The following AFMID variants were observed in gnomAD, a reference collection of about 807,000 sequenced individuals.
AFMID encodes arylformamidase.
A neutral mutation model predicts 47.5 loss-of-function variants in AFMID; 39 were observed. That is an observed-to-expected ratio of 0.82 (90% CI 0.64 to 1.07). The LOEUF (loss-of-function observed/expected upper bound fraction) is 1.07. Among genes scored for constraint, AFMID ranks in the 50% least tolerant of loss-of-function variants. The pLI, the probability that AFMID is intolerant of heterozygous loss-of-function variation, is 0.00. For synonymous variants in AFMID, 130 were observed against 153.2 expected (o/e 0.85, Z 1.12); for missense variants, 375 against 387.5 (o/e 0.97, Z 0.27).
At chr17:78,193,761 A>G (rs2076037295) in intron 2 of AFMID, among the ~76,000 whole-genome samples, 1 of 151,980 alleles carries the variant, frequency 6.6e-6, no homozygotes, top group South Asian at 2.1e-4. Context: ...GCAGATCACA[A>G]GGTCAGGAGA....
chr17:78,198,065 C>CA (rs1307996056), intron 2 of AFMID, among the ~76,000 whole-genome samples: 1 of 152,022 alleles, frequency 6.6e-6, no homozygotes, highest in Non-Finnish European at 1.5e-5. Context: ...CCTGTCCCTA[C>CA]AAAAAATACA....
chr17:78,202,778 C>T (rs1031416075), intron 4 of AFMID, 27 bp downstream of exon 4: 5 of 1,551,946 alleles, frequency 3.2e-6, no homozygotes, highest in Middle Eastern at 1.9e-4. Flanking sequence ...GGATGGTGGA[C>T]TGCAAGAGAG....
intron 2 of AFMID, chr17:78,197,017 T>C (rs775719566): frequency 1.0e-4 from 80 of 790,006 alleles, no homozygotes; most frequent in Non-Finnish European, 1.4e-4. Context: ...TTTTTTAATA[T>C]CTGAGAGAGG....
Position 78,191,051 on chromosome 17 carries a change from G to A in AFMID, c.145G>A (p.Gly49Arg). 1 of 1,614,004 alleles carries A rather than the reference G, an allele frequency of 6.2e-7. No individual in the cohort carries two copies. Among genetic ancestry groups the A allele is most frequent in the Non-Finnish European group, 8.5e-7 (1 of 1,179,946 alleles). The change falls in exon 2 of 11, where the codon GGA becomes AGA. Residue 49 changes from glycine (G) to arginine (R), a missense_variant. By Grantham distance (125) the Gly-to-Arg change is moderately radical. Coordinates refer to ENST00000409257, the MANE Select transcript of AFMID (RefSeq NM_001010982.5). Reference protein sequence around the residue: ...EEALRTYSQIGIEATTRARAT... With the variant: ...EEALRTYSQIRIEATTRARAT... ...AGCCTTGAGGACCTACTCACAGATA[G>A]GAATTGAAGGTACTAGTGTGACCTC...
intron 2 of AFMID, among the ~76,000 whole-genome samples, chr17:78,193,928 A>T (rs1384679888): frequency 1.3e-5 from 2 of 149,898 alleles, no homozygotes; most frequent in African/African-American, 4.9e-5. Context: ...GTGAGCTGAG[A>T]TCATGCCACT....
intron 3 of AFMID, 25 bp downstream of exon 3, chr17:78,202,628 C>T (rs2076275163): frequency 6.2e-7 from 1 of 1,600,392 alleles, no homozygotes; most frequent in Non-Finnish European, 8.5e-7. Context: ...GGCTGGGGGT[C>T]CCGGGGCTTG....
intron 4 of AFMID, 92 bp downstream of exon 4, chr17:78,202,843 C>A: frequency 1.4e-6 from 2 of 1,433,276 alleles, no homozygotes; most frequent in South Asian, 1.2e-5. Context: ...CAAACTGCCA[C>A]AAGCTGGGCA....
At chr17:78,201,026 T>C (rs1410071324) in intron 2 of AFMID, among the ~76,000 whole-genome samples, 1 of 151,832 alleles carries the variant, frequency 6.6e-6, no homozygotes, top group African/African-American at 2.4e-5. Flanking sequence ...AGACAGAATC[T>C]CGCTCTGTCA....
chr17:78,199,321 C>G (rs1238269541), intron 2 of AFMID, among the ~76,000 whole-genome samples: 1 of 152,174 alleles, frequency 6.6e-6, no homozygotes, highest in East Asian at 1.9e-4. Flanking sequence ...GCCGTGTTTA[C>G]CCTTCTGGAG....
At chr17:78,192,332 G>A (rs1337581557) in intron 2 of AFMID, among the ~76,000 whole-genome samples, 6 of 21,778 alleles carry the variant, frequency 2.8e-4, no homozygotes, top group Admixed American at 5.1e-4. Context: ...TTTTTTTTTT[G>A]AGACGGAGTT....
chr17:78,205,502 G>T lies in AFMID; in HGVS notation c.628G>T (p.Ala210Ser). Residue 210 changes from alanine (A) to serine (S), a missense_variant, in exon 8 of 11, where the codon GCT becomes TCT. By Grantham distance (99) the Ala-to-Ser change is moderately conservative. Transcript: ENST00000409257. ...EPIVYTSQNV[A>S]LQLTLEDAQR... ...CATCGTGTATACTTCACAGAACGTT[G>T]CTCTCCAGCTGACCCTGTGAGTTAC... 2 of 1,614,142 alleles carry T rather than the reference G, an allele frequency of 1.2e-6. No homozygotes were observed. The highest frequency in any genetic ancestry group is 2.2e-5 in the East Asian group (1 of 44,878).
intron 1 of AFMID, among the ~76,000 whole-genome samples, chr17:78,188,813 G>C (rs4789549): frequency 0.16 from 24,757 of 152,052 alleles, 2,778 homozygotes; most frequent in African/African-American, 0.29. Context: ...TAGCCAGGAT[G>C]GTCTCCAACT....
chr17:78,197,563 C>CA (rs2076144590), intron 2 of AFMID: 1 of 214,750 alleles, frequency 4.7e-6, no homozygotes, highest in African/African-American at 2.3e-5. Flanking sequence ...TAAGTTTCCC[C>CA]AGTCTGGTAT....
intron 1 of AFMID, among the ~76,000 whole-genome samples, chr17:78,189,372 G>A (rs1407378796): frequency 1.3e-5 from 2 of 150,294 alleles, no homozygotes; most frequent in South Asian, 2.1e-4. Context: ...ACGGGCGCCC[G>A]CCACCATGCC....
At chr17:78,197,080 C>T in intron 2 of AFMID, 2 of 1,411,326 alleles carry the variant, frequency 1.4e-6, no homozygotes, top group Non-Finnish European at 9.8e-7. Flanking sequence ...GGCCATTCCA[C>T]TTAGAACATA....
At chr17:78,193,246 C>T (rs1401735472) in intron 2 of AFMID, among the ~76,000 whole-genome samples, 1 of 151,842 alleles carries the variant, frequency 6.6e-6, no homozygotes, top group Non-Finnish European at 1.5e-5. Context: ...TGGCGGGCGC[C>T]TCTAGTCCCA....
intron 2 of AFMID, among the ~76,000 whole-genome samples, chr17:78,196,200 A>C (rs993688905): frequency 2.0e-4 from 31 of 152,010 alleles, no homozygotes; most frequent in African/African-American, 7.2e-4. Context: ...CCCCATCTCT[A>C]CTAAAAACAC....
intron 4 of AFMID, 59 bp downstream of exon 4, chr17:78,202,810 T>G: frequency 6.5e-7 from 1 of 1,535,608 alleles, no homozygotes; most frequent in Non-Finnish European, 8.8e-7. Context: ...CCTGGGGGAC[T>G]CCTCCTCCAG....
rs2076131939 is a variant in AFMID at position 78,197,006 on chromosome 17, GT to G, written c.155-5487del. ...ATTTCTCTTTCCCGAGGTTAGTAGA[GT>G]TTTTTAATATCTGAGAGAGGCTTAT... On this transcript the variant is annotated intron_variant, in intron 2 of 10. Coordinates refer to ENST00000409257, the MANE Select transcript of AFMID (RefSeq NM_001010982.5). The G allele has an allele frequency of 6.7e-6, 5 of 745,766 alleles. No homozygotes were observed. In the Admixed American group the frequency reaches 1.2e-4, roughly 18 times the overall value. The allele number at this position is 745,766 out of a possible 1,614,324, so 46.2% of individuals were successfully genotyped here.
Sources: gnomAD v4.1 joint callset for allele counts (sites outside exome capture counted in the v4.1 genomes callset) on GRCh38, gnomAD v4.1.1 for gene constraint, MANE v1.5 for transcripts, NCBI Gene and HGNC (gene_info 2026-07-23, HGNC 2026-07-21) for gene names.